Variants in ANO6 observed in about 807,000 individuals in gnomAD.
The protein encoded by ANO6 is anoctamin 6, also known as anoctamin-6.
A neutral mutation model predicts 117.5 loss-of-function variants in ANO6; 106 were observed. That is an observed-to-expected ratio of 0.90 (90% CI 0.77 to 1.06). The LOEUF (loss-of-function observed/expected upper bound fraction) is 1.06. ANO6 is among the 50% of genes least tolerant of loss of function. ANO6 has a pLI of 0.00. For synonymous variants in ANO6, 367 were observed against 385.1 expected (o/e 0.95, Z 0.55); for missense variants, 955 against 1,121.1 (o/e 0.85, Z 2.12).
intron 17 of ANO6, among the ~76,000 whole-genome samples, chr12:45,417,990 C>T (rs1943257356): frequency 6.6e-6 from 1 of 152,192 alleles, no homozygotes; most frequent in Non-Finnish European, 1.5e-5. Context: ...TAATTCCCTA[C>T]CACATATCAT....
At chr12:45,381,524 G>A (rs181878333) in intron 10 of ANO6, among the ~76,000 whole-genome samples, 2 of 152,200 alleles carry the variant, frequency 1.3e-5, no homozygotes, top group South Asian at 2.1e-4. Context: ...CAGCACTGGC[G>A]TGGCCCAGGA....
chr12:45,403,557 C>G, intron 15 of ANO6, 21 bp downstream of exon 15: 1 of 1,585,226 alleles, frequency 6.3e-7, no homozygotes, highest in Non-Finnish European at 8.7e-7. Context: ...AATTGTATAG[C>G]CATGGGTAAA....
intron 1 of ANO6, among the ~76,000 whole-genome samples, chr12:45,277,783 A>G (rs1938600758): frequency 6.6e-6 from 1 of 152,060 alleles, no homozygotes; most frequent in South Asian, 2.1e-4. Flanking sequence ...AGTTCCTGCC[A>G]TTCTGACTTA....
intron 1 of ANO6, among the ~76,000 whole-genome samples, chr12:45,219,777 G>A (rs1372719590): frequency 2.0e-5 from 3 of 152,134 alleles, no homozygotes; most frequent in Admixed American, 2.0e-4. Context: ...ATTTCCAAAG[G>A]CGTGCTTGTG....
chr12:45,408,701 A>G (rs1943009192), intron 15 of ANO6, among the ~76,000 whole-genome samples: 1 of 152,006 alleles, frequency 6.6e-6, no homozygotes, highest in East Asian at 1.9e-4. Context: ...ATGGCTCCTC[A>G]TTTCCCTCCG....
chr12:45,379,892 G>C (rs1942125937), intron 10 of ANO6, among the ~76,000 whole-genome samples: 1 of 152,172 alleles, frequency 6.6e-6, no homozygotes, highest in Non-Finnish European at 1.5e-5. Flanking sequence ...GGATATGTAT[G>C]ATAAACTTTA....
At chr12:45,386,456 T>C (rs1396446173) in intron 10 of ANO6, among the ~76,000 whole-genome samples, 1 of 152,188 alleles carries the variant, frequency 6.6e-6, no homozygotes, top group Non-Finnish European at 1.5e-5. Flanking sequence ...ATTTAGGATA[T>C]TGCCTAAGTC....
intron 15 of ANO6, among the ~76,000 whole-genome samples, chr12:45,404,302 A>G (rs1459581437): frequency 2.0e-5 from 3 of 152,214 alleles, no homozygotes; most frequent in African/African-American, 7.2e-5. Flanking sequence ...TGCCCTTTAC[A>G]ATTTTCACTT....
chr12:45,429,340 G>A lies in ANO6; in HGVS notation c.*29G>A. 1 of 1,607,448 alleles carries A rather than the reference G, an allele frequency of 6.2e-7. No homozygotes were observed. Among genetic ancestry groups the A allele is most frequent in the Non-Finnish European group, 8.5e-7 (1 of 1,176,912 alleles). Reference sequence around the variant, plus strand: ...CTTTATGTTCTGAGAAGCACTTTAAGGAATTTAGCTTTGTCAAAATATATT... The same window carrying A: ...CTTTATGTTCTGAGAAGCACTTTAAAGAATTTAGCTTTGTCAAAATATATT... On this transcript the variant is annotated 3_prime_UTR_variant, in exon 20 of 20. Transcript: ENST00000320560.
intron 2 of ANO6, among the ~76,000 whole-genome samples, chr12:45,314,359 A>G (rs1939945536): frequency 6.6e-6 from 1 of 151,746 alleles, no homozygotes; most frequent in Non-Finnish European, 1.5e-5. Flanking sequence ...CTATAATCCT[A>G]GCATTTTGGG....
intron 12 of ANO6, among the ~76,000 whole-genome samples, chr12:45,395,722 C>T (rs1942592941): frequency 6.6e-6 from 1 of 152,212 alleles, no homozygotes; most frequent in South Asian, 2.1e-4. Flanking sequence ...ATCACATAAA[C>T]AGATCCAGTG....
chr12:45,290,238 GGATAAGGTCATGTGAAC>G (rs1939051401), intron 1 of ANO6, among the ~76,000 whole-genome samples: 1 of 151,794 alleles, frequency 6.6e-6, no homozygotes, highest in Non-Finnish European at 1.5e-5. Flanking sequence ...CACAGGTTTT[GGATAAGGTCATGTGAAC>G]CTATAGCGGC....
intron 6 of ANO6, 137 bp downstream of exon 6, chr12:45,348,768 T>A (rs1386774329): frequency 1.4e-6 from 1 of 735,864 alleles, no homozygotes; most frequent in Non-Finnish European, 2.4e-6. Flanking sequence ...TACAAGCTCA[T>A]TTAGGGTAAG....
chr12:45,311,502 C>T (rs895090036), intron 2 of ANO6, among the ~76,000 whole-genome samples: 1 of 151,896 alleles, frequency 6.6e-6, no homozygotes, highest in Non-Finnish European at 1.5e-5. Flanking sequence ...AAAAGGGGAG[C>T]ATATTGAGAG....
chr12:45,303,727 C>G (rs1939573590), intron 2 of ANO6, among the ~76,000 whole-genome samples: 1 of 152,154 alleles, frequency 6.6e-6, no homozygotes, highest in African/African-American at 2.4e-5. Context: ...AAGAAGACAG[C>G]TAGTCTAAGC....
At chr12:45,305,072 A>C (rs1050598882) in intron 2 of ANO6, among the ~76,000 whole-genome samples, 2 of 152,218 alleles carry the variant, frequency 1.3e-5, no homozygotes, top group African/African-American at 2.4e-5. Flanking sequence ...GAGGCAGATA[A>C]GTTTAGCTAA....
intron 1 of ANO6, among the ~76,000 whole-genome samples, chr12:45,222,191 A>C (rs1302820845): frequency 9.8e-6 from 1 of 102,272 alleles, no homozygotes; most frequent in Non-Finnish European, 2.1e-5. Flanking sequence ...CCCCCACTCC[A>C]GCTCTGTTGC....
intron 11 of ANO6, among the ~76,000 whole-genome samples, chr12:45,389,822 T>C (rs1942394362): frequency 6.6e-6 from 1 of 152,240 alleles, no homozygotes; most frequent in Admixed American, 6.5e-5. Context: ...GTATAGAAGC[T>C]ACTTAGAATA....
At chr12:45,277,433 A>G (rs1409578959) in intron 1 of ANO6, among the ~76,000 whole-genome samples, 1 of 152,208 alleles carries the variant, frequency 6.6e-6, no homozygotes, top group Non-Finnish European at 1.5e-5. Flanking sequence ...GATTCCTCCC[A>G]CAGCCTTCTG....
Sources: gnomAD v4.1 joint callset for allele counts (sites outside exome capture counted in the v4.1 genomes callset) on GRCh38, gnomAD v4.1.1 for gene constraint, MANE v1.5 for transcripts, NCBI Gene and HGNC (gene_info 2026-07-23, HGNC 2026-07-21) for gene names.